Variants in VPS13D observed in about 807,000 individuals in gnomAD.
VPS13D encodes the protein intermembrane lipid transfer protein VPS13D.
In VPS13D, 187 loss-of-function variants were observed where a neutral mutation model predicts 461.9. That is an observed-to-expected ratio of 0.40 (90% CI 0.36 to 0.46). The LOEUF (loss-of-function observed/expected upper bound fraction) is 0.46, where lower values mean the gene tolerates loss of function less well. VPS13D is among the 20% of genes least tolerant of loss of function. The probability of loss-of-function intolerance (pLI) is 0.60; values close to 1 mark genes in which losing one functional copy is unlikely to be tolerated. For missense variants in VPS13D, 4,711 were observed against 5,364.9 expected, an observed-to-expected ratio of 0.88 and a Z score of 3.81; for synonymous variants, 1,951 against 1,986.3, an observed-to-expected ratio of 0.98 and a Z score of 0.47.
At chr1:12,351,402 T>G (rs930437999) in intron 46 of VPS13D, among the ~76,000 whole-genome samples, 3 of 152,132 alleles carry the variant, frequency 2.0e-5, no homozygotes, top group African/African-American at 7.2e-5. Context: ...GCGATTCTCC[T>G]GCCTCAGCCT....
At chr1:12,281,290 TG>T (rs1641772714) in intron 20 of VPS13D, among the ~76,000 whole-genome samples, 1 of 152,234 alleles carries the variant, frequency 6.6e-6, no homozygotes, top group African/African-American at 2.4e-5. Flanking sequence ...GTTTTGGGTT[TG>T]TTGGAATCAG....
chr1:12,385,408 T>A (rs765319931), intron 59 of VPS13D, 35 bp downstream of exon 59: 1 of 1,547,724 alleles, frequency 6.5e-7, no homozygotes, highest in South Asian at 1.2e-5. Context: ...ATTTATTTGA[T>A]CATCAGTTTT....
At chr1:12,388,509 G>A (rs1644378762) in intron 60 of VPS13D, among the ~76,000 whole-genome samples, 1 of 151,916 alleles carries the variant, frequency 6.6e-6, no homozygotes, top group African/African-American at 2.4e-5. Context: ...AGGAGGTGGA[G>A]GTTGCATTGA....
chr1:12,395,256 G>A (rs1254397078), intron 60 of VPS13D, among the ~76,000 whole-genome samples: 1 of 152,180 alleles, frequency 6.6e-6, no homozygotes, highest in African/African-American at 2.4e-5. Context: ...CACTACTGGG[G>A]ATGGGGAAGC....
intron 44 of VPS13D, among the ~76,000 whole-genome samples, 163 bp downstream of exon 44, chr1:12,346,815 A>G (rs1643687019): frequency 6.6e-6 from 1 of 152,212 alleles, no homozygotes; most frequent in Admixed American, 6.5e-5. Context: ...CTTTTCCAAA[A>G]ACTTGCAAGA....
At chr1:12,288,621 C>T (rs1332904650) in intron 22 of VPS13D, among the ~76,000 whole-genome samples, 2 of 151,516 alleles carry the variant, frequency 1.3e-5, no homozygotes, top group Non-Finnish European at 2.9e-5. Flanking sequence ...TTTCAACAGA[C>T]TCTATCTAGG....
At chr1:12,385,919 C>T (rs1370566327) in intron 59 of VPS13D, among the ~76,000 whole-genome samples, 2 of 152,084 alleles carry the variant, frequency 1.3e-5, no homozygotes, top group Non-Finnish European at 1.5e-5. Flanking sequence ...TAATGAAATG[C>T]AGAATGTCAT....
At position 12,322,048 on chromosome 1, in the gene VPS13D, C is replaced by G. The variant is rs150363838; in HGVS notation, c.7704+84C>G. ...GCACTCTTATTTGCTCTGAGCCCAA[C>G]AACCTCTTTTTTTGTTTTGTTTTGT... On this transcript the variant is annotated intron_variant, in intron 33 of 69. Coordinates refer to ENST00000620676, the MANE Select transcript of VPS13D (RefSeq NM_015378.4). 2.8e-3 allele frequency: 4,240 copies of G among 1,526,262 alleles called. 23 individuals carry two copies. The highest frequency in any genetic ancestry group is 6.3e-3 in the East Asian group (270 of 43,168). The allele number at this position is 1,526,262 out of a possible 1,614,324, so 94.5% of individuals were successfully genotyped here.
chr1:12,272,988 G>A lies in VPS13D; in HGVS notation c.2104-15G>A, dbSNP rs767628967. 6.2e-7 allele frequency: 1 copy of A among 1,611,388 alleles called. No individual in the cohort carries two copies. Among genetic ancestry groups the A allele is most frequent in the Admixed American group, 1.7e-5 (1 of 59,334 alleles). The stretch of plus-strand genomic sequence containing the variant: ...GTTTCGGCAGTTATGGTTAATGACT[G>A]TTTTATTTGTACAGGAGGAGAGTAA... On this transcript the variant is annotated splice_polypyrimidine_tract_variant and intron_variant, in intron 17 of 69. Transcript: ENST00000620676.
intron 67 of VPS13D, among the ~76,000 whole-genome samples, chr1:12,467,240 C>T (rs527591221): frequency 8.6e-4 from 131 of 152,270 alleles, no homozygotes; most frequent in Non-Finnish European, 1.5e-3. Flanking sequence ...GGCACAACCT[C>T]GGCTCACTGC....
chr1:12,288,147 A>G, intron 21 of VPS13D, 76 bp from the exon 22 acceptor site: 1 of 1,281,692 alleles, frequency 7.8e-7, no homozygotes, highest in Non-Finnish European at 1.1e-6. Context: ...ATTTTCCTTG[A>G]TTGCTCTGCC....
chr1:12,235,458 C>T (rs1640117982), intron 2 of VPS13D, among the ~76,000 whole-genome samples: 1 of 152,068 alleles, frequency 6.6e-6, no homozygotes, highest in Admixed American at 6.6e-5. Flanking sequence ...TGCCTGTAAT[C>T]CCACTACTCG....
At chr1:12,295,422 T>C (rs1375852790) in intron 24 of VPS13D, among the ~76,000 whole-genome samples, 1 of 152,162 alleles carries the variant, frequency 6.6e-6, no homozygotes, top group African/African-American at 2.4e-5. Context: ...TTTCTCCAAC[T>C]GTCTAGTTTC....
At chr1:12,470,083 A>G (rs1055093252) in intron 67 of VPS13D, among the ~76,000 whole-genome samples, 3 of 152,248 alleles carry the variant, frequency 2.0e-5, no homozygotes, top group Admixed American at 6.5e-5. Flanking sequence ...TGTTAACACC[A>G]GAGACAATTC....
intron 65 of VPS13D, chr1:12,453,921 A>G (rs769625655): frequency 6.6e-6 from 1 of 152,200 alleles, no homozygotes; most frequent in Non-Finnish European, 1.5e-5. Context: ...CACTCCAAAA[A>G]CTTACTTGGG....
rs1553131587 is a variant in VPS13D at position 12,510,554 on chromosome 1, T to TGTGTGCGC, written c.*1531_*1532insTGTGCGCG. ...GTGTGTGTGTGTGTGTGTGTGTGTG[T>TGTGTGCGC]GCGCGCGCGCGCGTGCATGCAGAGA... On this transcript the variant is annotated 3_prime_UTR_variant, in exon 70 of 70. Coordinates refer to ENST00000620676, the MANE Select transcript of VPS13D (RefSeq NM_015378.4). 7 of 147,272 alleles carry TGTGTGCGC rather than the reference T, an allele frequency of 4.8e-5. No individual in the cohort carries two copies. The highest frequency in any genetic ancestry group is 1.5e-4 in the African/African-American group (6 of 39,348). The allele number at this position is 147,272 out of a possible 1,614,324, so 9.1% of individuals were successfully genotyped here.
chr1:12,400,445 G>T (rs1557757404), intron 61 of VPS13D, 115 bp downstream of exon 61: 7 of 1,257,022 alleles, frequency 5.6e-6, no homozygotes, highest in Non-Finnish European at 7.8e-6. Flanking sequence ...GCTCTGCAGG[G>T]TTAAACCACA....
At chr1:12,253,033 C>G (rs2101245986) in intron 6 of VPS13D, among the ~76,000 whole-genome samples, 1 of 151,586 alleles carries the variant, frequency 6.6e-6, no homozygotes, top group African/African-American at 2.4e-5. Flanking sequence ...TGATGCATGC[C>G]TGTAATCCCA....
chr1:12,502,641 G>GAA lies in VPS13D; in HGVS notation c.12795-4199_12795-4198dup, dbSNP rs113179323. Among the ~76,000 whole-genome samples, 78 of 133,884 alleles carry GAA rather than the reference G, an allele frequency of 5.8e-4. No individual in the cohort carries two copies. Among genetic ancestry groups the GAA allele is most frequent in the East Asian group, 4.1e-3 (19 of 4,670 alleles). The allele number at this position is 133,884 out of a possible 152,430, so 87.8% of individuals were successfully genotyped here. A position where few individuals can be genotyped will look rare whatever the true frequency, so the allele number is the denominator to read the frequency against. On this transcript the variant is annotated intron_variant, in intron 68 of 69. Coordinates refer to ENST00000620676, the MANE Select transcript of VPS13D (RefSeq NM_015378.4). The surrounding 1 kb of genome is among the most constrained non-coding windows in gnomAD (Gnocchi z 4.3). Reference sequence around the variant, plus strand: ...TCAGGTATATAAATGAGTTAATATCGAAAAAAAAAAAAAAGAGCAGGAGGA... The same window carrying GAA: ...TCAGGTATATAAATGAGTTAATATCGAAAAAAAAAAAAAAAAGAGCAGGAGGA...
Sources: gnomAD v4.1 joint callset for allele counts (sites outside exome capture counted in the v4.1 genomes callset) on GRCh38, gnomAD v4.1.1 for gene constraint, Gnocchi (gnomAD v3.1) non-coding constraint, MANE v1.5 for transcripts, NCBI Gene and HGNC (gene_info 2026-07-23, HGNC 2026-07-21) for gene names.